The following TDRD3 variants were observed in gnomAD, a reference collection of about 807,000 sequenced individuals.
TDRD3 encodes the protein tudor domain-containing protein 3.
TDRD3 carries 45 observed loss-of-function variants against 86.7 expected under a neutral mutation model. The observed-to-expected ratio is 0.52, with a 90% CI of 0.41 to 0.67. The LOEUF (loss-of-function observed/expected upper bound fraction) is 0.67. Among genes scored for constraint, TDRD3 ranks in the 30% least tolerant of loss-of-function variants. TDRD3 has a pLI of 0.00. For missense variants in TDRD3, 814 were observed against 889.0 expected (o/e 0.92, Z 1.07); for synonymous variants, 298 against 301.7 (o/e 0.99, Z 0.13).
At chr13:60,432,866 A>G (rs1325588520) in intron 1 of TDRD3, among the ~76,000 whole-genome samples, 1 of 151,860 alleles carries the variant, frequency 6.6e-6, no homozygotes, top group African/African-American at 2.4e-5. Flanking sequence ...TCAAACTCCC[A>G]TTTTGGTATT....
At chr13:60,420,811 G>A (rs771441620) in intron 1 of TDRD3, among the ~76,000 whole-genome samples, 12 of 152,086 alleles carry the variant, frequency 7.9e-5, no homozygotes, top group Non-Finnish European at 1.6e-4. Flanking sequence ...GGGCGTGATG[G>A]CGGGCGCCTG....
intron 4 of TDRD3, among the ~76,000 whole-genome samples, chr13:60,466,872 C>T (rs1955947879): frequency 6.6e-6 from 1 of 151,956 alleles, no homozygotes; most frequent in South Asian, 2.1e-4. Flanking sequence ...TAGTCAGCCT[C>T]CTGAAAAATT....
intron 5 of TDRD3, among the ~76,000 whole-genome samples, chr13:60,477,257 C>T (rs533650937): frequency 6.6e-6 from 1 of 151,528 alleles, no homozygotes; most frequent in South Asian, 2.1e-4. Flanking sequence ...CTCTGTCACA[C>T]AGGCTGAAGC....
chr13:60,492,608 T>C (rs1400242704), intron 7 of TDRD3, among the ~76,000 whole-genome samples: 1 of 152,234 alleles, frequency 6.6e-6, no homozygotes, highest in Non-Finnish European at 1.5e-5. Flanking sequence ...CCTAGTCTAA[T>C]AAATTTTGTA....
At chr13:60,410,399 T>C (rs1024009269) in intron 1 of TDRD3, among the ~76,000 whole-genome samples, 7 of 152,212 alleles carry the variant, frequency 4.6e-5, no homozygotes, top group Non-Finnish European at 8.8e-5. Flanking sequence ...GAGTTTACTC[T>C]TGTTATCTTG....
intron 5 of TDRD3, among the ~76,000 whole-genome samples, chr13:60,470,836 G>C (rs543098675): frequency 2.0e-5 from 3 of 152,110 alleles, no homozygotes; most frequent in Non-Finnish European, 4.4e-5. Flanking sequence ...GCCGGTCTCA[G>C]CCTCTAAAAG....
chr13:60,397,140 G>A, upstream of TDRD3: 1 of 389,014 alleles, frequency 2.6e-6, no homozygotes, highest in Non-Finnish European at 4.6e-6. Flanking sequence ...TCCGCAGCCT[G>A]GGAGCCCCAC....
At chr13:60,473,826 C>T (rs941909145) in intron 5 of TDRD3, among the ~76,000 whole-genome samples, 3 of 152,164 alleles carry the variant, frequency 2.0e-5, no homozygotes, top group African/African-American at 7.2e-5. Context: ...GTAACGCCCT[C>T]GCCTGGGAAG....
intron 12 of TDRD3, among the ~76,000 whole-genome samples, chr13:60,545,304 G>A (rs182616687): frequency 8.3e-4 from 126 of 152,162 alleles, no homozygotes; most frequent in African/African-American, 2.9e-3. Flanking sequence ...GAAGTAATTC[G>A]GGAAGCCCAA....
Position 60,552,134 on chromosome 13 carries a change from A to G in TDRD3, c.2119-15391A>G, listed in dbSNP as rs117968194. ...TTAACTCGTTCCAGCATTAACTTAA[A>G]ATTCCAAGTCGAAAGTCTCATCTGA... On this transcript the variant is annotated intron_variant, in intron 12 of 13. Transcript: ENST00000377881. Among the ~76,000 whole-genome samples, 755 of 152,350 alleles carry G rather than the reference A, an allele frequency of 5.0e-3. 3 individuals are homozygous for G. Among genetic ancestry groups the G allele is most frequent in the Middle Eastern group, 0.024 (7 of 294 alleles).
At chr13:60,436,843 T>G (rs1955122635) in intron 1 of TDRD3, among the ~76,000 whole-genome samples, 1 of 152,324 alleles carries the variant, frequency 6.6e-6, no homozygotes, top group South Asian at 2.1e-4. Flanking sequence ...ATATTTTTAT[T>G]CTTCTGAAAA....
intron 11 of TDRD3, among the ~76,000 whole-genome samples, chr13:60,532,211 C>A (rs1957598370): frequency 6.6e-6 from 1 of 152,130 alleles, no homozygotes; most frequent in Non-Finnish European, 1.5e-5. Context: ...AAAACAGTAC[C>A]TAACAATTCA....
chr13:60,405,654 A>G (rs927176529), intron 1 of TDRD3, among the ~76,000 whole-genome samples: 7 of 152,224 alleles, frequency 4.6e-5, no homozygotes, highest in South Asian at 2.1e-4. Flanking sequence ...ACAGAGGGAC[A>G]GTGTAGTGAG....
intron 5 of TDRD3, among the ~76,000 whole-genome samples, chr13:60,479,017 G>T (rs1956257743): frequency 6.6e-6 from 1 of 151,654 alleles, no homozygotes; most frequent in African/African-American, 2.4e-5. Flanking sequence ...ATCTTGGCCG[G>T]GCTGGTCTTG....
chr13:60,409,443 A>G (rs143529298), intron 1 of TDRD3, among the ~76,000 whole-genome samples: 6,858 of 152,288 alleles, frequency 0.045, 215 homozygotes, highest in Non-Finnish European at 0.064. Flanking sequence ...CAGCCTGTGA[A>G]AGCAGCTGGG....
At chr13:60,483,128 T>C (rs980051852) in intron 5 of TDRD3, among the ~76,000 whole-genome samples, 1 of 152,126 alleles carries the variant, frequency 6.6e-6, no homozygotes, top group African/African-American at 2.4e-5. Flanking sequence ...GTTATCTCTC[T>C]AGCTTTATGA....
At chr13:60,466,317 G>A (rs980074082) in intron 4 of TDRD3, among the ~76,000 whole-genome samples, 1 of 152,066 alleles carries the variant, frequency 6.6e-6, no homozygotes, top group African/African-American at 2.4e-5. Flanking sequence ...CACAGCTAAA[G>A]CTCAGAGGGA....
chr13:60,497,035 C>A (rs937524552), intron 8 of TDRD3, among the ~76,000 whole-genome samples: 3 of 152,198 alleles, frequency 2.0e-5, no homozygotes, highest in African/African-American at 7.2e-5. Context: ...GAACCGGGGA[C>A]TTAGCCATAC....
chr13:60,410,777 A>G (rs1030495055), intron 1 of TDRD3, among the ~76,000 whole-genome samples: 2 of 152,166 alleles, frequency 1.3e-5, no homozygotes, highest in African/African-American at 4.8e-5. Flanking sequence ...GAAGTTGTGC[A>G]AGAGCTGGAT....
Sources: gnomAD v4.1 joint callset for allele counts (sites outside exome capture counted in the v4.1 genomes callset) on GRCh38, gnomAD v4.1.1 for gene constraint, MANE v1.5 for transcripts, NCBI Gene and HGNC (gene_info 2026-07-23, HGNC 2026-07-21) for gene names.